The following RC3H1 variants were observed in gnomAD, a reference collection of about 807,000 sequenced individuals.
RC3H1 encodes roquin-1.
In RC3H1, 50 loss-of-function variants were observed where a neutral mutation model predicts 138.2. The ratio of observed to expected loss-of-function variants is 0.36; its 90% CI spans 0.29 to 0.46. RC3H1 has a LOEUF of 0.46. Ranked by LOEUF, RC3H1 falls within the 20% of genes least tolerant of loss-of-function variation. RC3H1 has a pLI of 1.00. For synonymous variants in RC3H1, 462 were observed against 489.1 expected (o/e 0.94, Z 0.73); for missense variants, 1,031 against 1,388.1 (o/e 0.74, Z 4.09).
chr1:173,976,367 G>A (rs991652958), intron 7 of RC3H1, among the ~76,000 whole-genome samples: 1 of 151,522 alleles, frequency 6.6e-6, no homozygotes, highest in African/African-American at 2.4e-5. Flanking sequence ...CTCGGGACAA[G>A]AATTGCTTGA....
In RC3H1 at chr1:173,978,394, G is replaced by A. The variant is rs12078645; in HGVS notation, c.1102+94C>T. 0.011 allele frequency: 15,186 copies of A among 1,355,906 alleles called. 1,208 individuals carry two copies. In the African/African-American group the frequency reaches 0.18, roughly 16 times the overall value. The allele number at this position is 1,355,906 out of a possible 1,614,324, so 84.0% of individuals were successfully genotyped here. A position where few individuals can be genotyped will look rare whatever the true frequency, so the allele number is the denominator to read the frequency against. ...AAAAGATCTGGAGTAACTACTTTGG[G>A]AAACCCTAGAGGAACAACAAAAGAT... is the stretch of plus-strand genomic sequence containing the variant. On this transcript the variant is annotated intron_variant, in intron 7 of 19. Transcript: ENST00000367696.
chr1:173,937,555 A>G lies in RC3H1; in HGVS notation c.*1166T>C, dbSNP rs138016993. ...AAACCTTACTCTTTTCAATATTTTC[A>G]TGAAGAAACATTTGCAACATTGGAC... On this transcript the variant is annotated 3_prime_UTR_variant, in exon 20 of 20. Transcript: ENST00000367696. 1 of 152,446 alleles carries G rather than the reference A, an allele frequency of 6.6e-6. No homozygotes were observed. Among genetic ancestry groups the G allele is most frequent in the East Asian group, 1.9e-4 (1 of 5,190 alleles). 9.4% of individuals were successfully genotyped at this position (152,446 alleles called of 1,614,324 possible).
chr1:173,961,172 T>C lies in RC3H1; in HGVS notation c.2275A>G (p.Lys759Glu), dbSNP rs768237140. 4 of 1,614,166 alleles carry C rather than the reference T, an allele frequency of 2.5e-6. No homozygotes were observed. The highest frequency in any genetic ancestry group is 3.4e-6 in the Non-Finnish European group (4 of 1,180,016). Reference sequence around the variant, plus strand: ...TCCTCTAGCTGGGCCATTATTTCCTTTCGTCGGCGATGTAGTTCATCTAGA... The same window carrying C: ...TCCTCTAGCTGGGCCATTATTTCCTCTCGTCGGCGATGTAGTTCATCTAGA... ...PSLDELHRRR[K>E]EIMAQLEERK... The change falls in exon 13 of 20, where the codon AAG becomes GAG. Residue 759 changes from lysine to glutamate, a missense_variant. By Grantham distance (56) the Lys-to-Glu change is moderately conservative. Coordinates refer to ENST00000367696, the MANE Select transcript of RC3H1 (RefSeq NM_172071.4).
At chr1:173,998,234 A>G (rs61826780) in intron 1 of RC3H1, among the ~76,000 whole-genome samples, 16,807 of 152,218 alleles carry the variant, frequency 0.11, 1,040 homozygotes, top group East Asian at 0.22. Context: ...GGGTCAGGCC[A>G]AATCTAGTTC....
intron 2 of RC3H1, among the ~76,000 whole-genome samples, chr1:173,985,096 C>T (rs1237838576): frequency 6.6e-6 from 1 of 152,228 alleles, no homozygotes; most frequent in Non-Finnish European, 1.5e-5. Flanking sequence ...TTACTTCTTT[C>T]ACTTAACAAT....
chr1:173,950,202 G>A (rs1255242282), intron 14 of RC3H1, among the ~76,000 whole-genome samples: 1 of 151,918 alleles, frequency 6.6e-6, no homozygotes, highest in Non-Finnish European at 1.5e-5. Flanking sequence ...GCAATGCTAA[G>A]TGAAAACATG....
intron 1 of RC3H1, among the ~76,000 whole-genome samples, chr1:173,999,391 AAG>A (rs1184477513): frequency 3.0e-5 from 4 of 134,312 alleles, no homozygotes; most frequent in African/African-American, 3.4e-5. Flanking sequence ...AAAAAAAAAA[AAG>A]AGAGAGAGAG....
chr1:174,006,112 CAGG>C (rs1203356609), intron 1 of RC3H1, among the ~76,000 whole-genome samples: 1 of 152,122 alleles, frequency 6.6e-6, no homozygotes, highest in Non-Finnish European at 1.5e-5. Flanking sequence ...GAGGCTGAGG[CAGG>C]AGAATTGCTT....
At chr1:173,955,218 T>G (rs12756055) in intron 13 of RC3H1, among the ~76,000 whole-genome samples, 1 of 103,734 alleles carries the variant, frequency 9.6e-6, no homozygotes, top group South Asian at 3.7e-4. Flanking sequence ...AGTGTGAAAC[T>G]CTGTCACAAA....
rs932980654 is a variant in RC3H1, at chr1:173,935,191, T to C, written c.*3530A>G. ...TGGTCACTTCAGCCTCTGTACGTTATCTAAGACAGGACAGTTACTGGACTT... is the reference window on the plus strand; with the variant it reads ...TGGTCACTTCAGCCTCTGTACGTTACCTAAGACAGGACAGTTACTGGACTT... On this transcript the variant is annotated 3_prime_UTR_variant, in exon 20 of 20. Transcript: ENST00000367696. 6.6e-6 allele frequency: 1 copy of C among 152,172 alleles called. No individual in the cohort carries two copies. Among genetic ancestry groups the C allele is most frequent in the Non-Finnish European group, 1.5e-5 (1 of 68,032 alleles). 9.4% of individuals were successfully genotyped at this position (152,172 alleles called of 1,614,324 possible). A position where few individuals can be genotyped will look rare whatever the true frequency, so the allele number is the denominator to read the frequency against.
chr1:173,981,824 CA>C (rs1660832830), intron 5 of RC3H1, among the ~76,000 whole-genome samples: 2 of 151,848 alleles, frequency 1.3e-5, no homozygotes. Context: ...TTGCTTGACC[CA>C]GAAGGCAGAG....
intron 13 of RC3H1, among the ~76,000 whole-genome samples, chr1:173,952,785 A>G (rs1177220719): frequency 6.6e-6 from 1 of 152,200 alleles, no homozygotes; most frequent in African/African-American, 2.4e-5. Context: ...ATGTATTTTC[A>G]CTAAAATTGC....
chr1:173,979,951 C>T (rs1660740238), intron 6 of RC3H1, among the ~76,000 whole-genome samples: 1 of 152,006 alleles, frequency 6.6e-6, no homozygotes, highest in Non-Finnish European at 1.5e-5. Context: ...TAACATAGCT[C>T]ACTGCACCCT....
At chr1:173,947,267 T>G in intron 15 of RC3H1, 102 bp downstream of exon 15, 1 of 793,880 alleles carries the variant, frequency 1.3e-6, no homozygotes, top group South Asian at 1.6e-5. Context: ...AATTACTGCC[T>G]TGCAAGATTA....
At chr1:173,980,578 G>A (rs1660772815) in intron 6 of RC3H1, among the ~76,000 whole-genome samples, 1 of 151,548 alleles carries the variant, frequency 6.6e-6, no homozygotes, top group Admixed American at 6.6e-5. Flanking sequence ...CTTCATCTCT[G>A]TGATTCTAGT....
rs552516125 is a variant in RC3H1 at position 174,006,228 on chromosome 1, A to C, written c.-150-13093T>G. On this transcript the variant is annotated intron_variant, in intron 1 of 19. Coordinates refer to ENST00000367696, the MANE Select transcript of RC3H1 (RefSeq NM_172071.4). Reference sequence around the variant, plus strand: ...TCTCAAAATAAATAAATAAGTAAATAAATAAATAAAGACTGTTCTTTACCA... The same window carrying C: ...TCTCAAAATAAATAAATAAGTAAATCAATAAATAAAGACTGTTCTTTACCA... Among the ~76,000 whole-genome samples, 12 of 152,254 alleles carry C rather than the reference A, an allele frequency of 7.9e-5. No homozygotes were observed. In the East Asian group the frequency reaches 1.2e-3, roughly 15 times the overall value.
intron 2 of RC3H1, among the ~76,000 whole-genome samples, chr1:173,987,331 A>C (rs1661071182): frequency 1.3e-5 from 2 of 152,220 alleles, no homozygotes; most frequent in South Asian, 4.1e-4. Context: ...ATTTAATTGT[A>C]TCGTGTAGAC....
chr1:173,972,883 G>A (rs1285516982), intron 7 of RC3H1, among the ~76,000 whole-genome samples: 1 of 152,182 alleles, frequency 6.6e-6, no homozygotes, highest in Non-Finnish European at 1.5e-5. Flanking sequence ...CACAATAGTG[G>A]TAACTGTCAT....
chr1:174,020,519 G>A (rs942951036), intron 1 of RC3H1, among the ~76,000 whole-genome samples: 1 of 152,134 alleles, frequency 6.6e-6, no homozygotes, highest in Non-Finnish European at 1.5e-5. Flanking sequence ...CATCTTTTCA[G>A]CACAGGTCAG....
Sources: allele counts gnomAD v4.1 joint callset (sites outside exome capture counted in the v4.1 genomes callset), GRCh38; gene constraint gnomAD v4.1.1; transcripts MANE v1.5; gene names NCBI Gene and HGNC (gene_info 2026-07-23, HGNC 2026-07-21).